The following PTPRJ variants were observed in gnomAD, a reference collection of about 807,000 sequenced individuals.
PTPRJ encodes protein tyrosine phosphatase receptor type J, also known as receptor-type tyrosine-protein phosphatase eta.
A neutral mutation model predicts 141.3 loss-of-function variants in PTPRJ; 129 were observed. That is an observed-to-expected ratio of 0.91 (90% confidence interval 0.79 to 1.06). The LOEUF is 1.06. PTPRJ is among the 50% of genes least tolerant of loss of function. The pLI, the probability that PTPRJ is intolerant of heterozygous loss-of-function variation, is 0.00. For synonymous variants in PTPRJ, 610 were observed against 640.5 expected (o/e 0.95, Z 0.72); for missense variants, 1,601 against 1,679.7 (o/e 0.95, Z 0.82).
In PTPRJ at chr11:48,009,338, G is replaced by A. The variant is rs182568213; in HGVS notation, c.96+28330G>A. On this transcript the variant is annotated intron_variant, in intron 1 of 24. Transcript: ENST00000418331. ...AGGCTGGGCGCAGTGGCTCACGACT[G>A]TAATCCTAGCACTTTGGGAGGCCGA... Among the ~76,000 whole-genome samples the A allele has an allele frequency of 2.4e-3, 367 of 152,358 alleles. 1 individual carries two copies. Among genetic ancestry groups the A allele is most frequent in the Middle Eastern group, 6.8e-3 (2 of 294 alleles).
chr11:48,143,149 C>A, intron 12 of PTPRJ, 99 bp downstream of exon 12: 1 of 1,449,204 alleles, frequency 6.9e-7, no homozygotes, highest in Non-Finnish European at 9.4e-7. Flanking sequence ...CAGACACACG[C>A]CTGTCTTCTC....
intron 1 of PTPRJ, among the ~76,000 whole-genome samples, chr11:48,068,777 G>C (rs1025520397): frequency 6.6e-6 from 1 of 152,190 alleles, no homozygotes; most frequent in Non-Finnish European, 1.5e-5. Context: ...CTTTCTCCAG[G>C]AGCATGGGCT....
intron 8 of PTPRJ, among the ~76,000 whole-genome samples, chr11:48,131,031 T>TACACACACACACACACAC (rs368230622): frequency 7.2e-5 from 5 of 69,110 alleles, no homozygotes; most frequent in Non-Finnish European, 1.1e-4. Flanking sequence ...TAATATTTAA[T>TACACACACACACACACAC]ACACACACAC....
chr11:48,081,993 C>CTTGG (rs1855571610), intron 1 of PTPRJ, among the ~76,000 whole-genome samples: 1 of 152,168 alleles, frequency 6.6e-6, no homozygotes, highest in South Asian at 2.1e-4. Flanking sequence ...AGGGCAAGGG[C>CTTGG]TTGGTCTTTC....
At chr11:48,101,487 G>A (rs1409953689) in intron 1 of PTPRJ, among the ~76,000 whole-genome samples, 1 of 152,242 alleles carries the variant, frequency 6.6e-6, no homozygotes, top group Non-Finnish European at 1.5e-5. Context: ...GCCTGTGATA[G>A]GGCTAACCCT....
At position 48,127,970 on chromosome 11, in the gene PTPRJ, C is replaced by A; in HGVS notation, c.1284C>A (p.Thr428=). 1 of 1,614,188 alleles carries A rather than the reference C, an allele frequency of 6.2e-7. No individual in the cohort carries two copies. Among genetic ancestry groups the A allele is most frequent in the Non-Finnish European group, 8.5e-7 (1 of 1,180,032 alleles). The change falls in exon 7 of 25, where the codon ACC becomes ACA. Residue 428 remains threonine, a synonymous_variant. Transcript: ENST00000418331. ...TCATCCCCGGACTCCGCTCCAGCAC[C>A]TTCTACAACATCACAGTGTGTCCTG... ...RAVIPGLRSS[T]FYNITVCPVL... is the part of the protein sequence containing the mutation.
Position 48,093,507 on chromosome 11 carries a change from G to A in PTPRJ, c.97-16551G>A, listed in dbSNP as rs1352657279. The stretch of plus-strand genomic sequence containing the variant: ...CCTCTGCTGTCTATTTAATGGAGAT[G>A]AATTGTTAAACTTTTACCATTTGCA... On this transcript the variant is annotated intron_variant, in intron 1 of 24. Transcript: ENST00000418331. Among the ~76,000 whole-genome samples the A allele has an allele frequency of 3.3e-5, 5 of 152,158 alleles. No individual in the cohort carries two copies. The East Asian group carries it at 9.6e-4, about 29-fold the overall frequency.
chr11:48,113,881 A>T (rs1856499423), intron 3 of PTPRJ, among the ~76,000 whole-genome samples: 1 of 152,220 alleles, frequency 6.6e-6, no homozygotes, highest in Admixed American at 6.5e-5. Context: ...ACCCATATAA[A>T]CAAAAATTCT....
chr11:48,128,575 T>C (rs965451984), intron 7 of PTPRJ, among the ~76,000 whole-genome samples: 4 of 152,230 alleles, frequency 2.6e-5, no homozygotes, highest in African/African-American at 9.6e-5. Flanking sequence ...AAAACAGTAA[T>C]GGTGCACTAG....
intron 1 of PTPRJ, among the ~76,000 whole-genome samples, chr11:48,019,159 CT>C (rs150775428): frequency 0.031 from 4,656 of 152,166 alleles, 232 homozygotes; most frequent in African/African-American, 0.11. Context: ...TCTCTGTGCC[CT>C]TTTCCTGCCT....
intron 1 of PTPRJ, among the ~76,000 whole-genome samples, chr11:48,076,728 G>A (rs10838801): frequency 0.57 from 86,605 of 150,652 alleles, 28,390 homozygotes; most frequent in East Asian, 0.8. Context: ...ATGGTAAAGG[G>A]GGAGGGTTAC....
At chr11:48,042,178 G>A (rs1289694482) in intron 1 of PTPRJ, among the ~76,000 whole-genome samples, 3 of 152,174 alleles carry the variant, frequency 2.0e-5, no homozygotes, top group Non-Finnish European at 2.9e-5. Context: ...GCTGGATAGG[G>A]TGTTGCAGCA....
Position 48,164,426 on chromosome 11 carries a change from A to G in PTPRJ, c.3766A>G (p.Ile1256Val). Residue 1256 changes from isoleucine (I) to valine (V), a missense_variant, in exon 24 of 25, where the codon ATC (isoleucine) becomes GTC (valine). Physicochemically the swap from Ile to Val is conservative, Grantham distance 29. Transcript: ENST00000418331. Reference protein sequence around the residue: ...TGTFIAIDRLIYQIENENTVD... With the variant: ...TGTFIAIDRLVYQIENENTVD... ...CACTTTCATTGCCATTGATCGTCTC[A>G]TCTACCAGATAGAGAATGAGAACAC... The G allele has an allele frequency of 3.7e-6, 6 of 1,613,794 alleles. No homozygotes were observed. Among genetic ancestry groups the G allele is most frequent in the Non-Finnish European group, 3.4e-6 (4 of 1,179,692 alleles).
chr11:48,006,242 T>C lies in PTPRJ; in HGVS notation c.96+25234T>C, dbSNP rs1308234806. On this transcript the variant is annotated intron_variant, in intron 1 of 24. Transcript: ENST00000418331. The stretch of plus-strand genomic sequence containing the variant: ...TTTCCTCATCTGGAACCTGGGGCTC[T>C]TGTGGCTTCCTGCCTCTCTCAAGGG... Among the ~76,000 whole-genome samples the C allele has an allele frequency of 2.6e-5, 4 of 152,214 alleles. No individual in the cohort carries two copies. In the East Asian group the frequency reaches 5.8e-4, roughly 22 times the overall value.
chr11:48,069,924 C>G (rs1855198201), intron 1 of PTPRJ, among the ~76,000 whole-genome samples: 1 of 152,090 alleles, frequency 6.6e-6, no homozygotes, highest in Non-Finnish European at 1.5e-5. Flanking sequence ...GTTGGTTCTC[C>G]CTGAAAAGTC....
rs962393289 is a variant in PTPRJ, at chr11:48,163,398, C to A, written c.3559-60C>A. On this transcript the variant is annotated intron_variant, in intron 22 of 24. Transcript: ENST00000418331. ...TCAGGCTCTGCTTGATTTCCCCTGCCTTTTTGATGTTGTTAGGCAGCCTTT... is the reference window on the plus strand; with the variant it reads ...TCAGGCTCTGCTTGATTTCCCCTGCATTTTTGATGTTGTTAGGCAGCCTTT... 1.7e-5 allele frequency: 26 copies of A among 1,530,358 alleles called. No homozygotes were observed. The African/African-American group carries it at 2.5e-4, about 15-fold the overall frequency. 94.8% of individuals were successfully genotyped at this position (1,530,358 alleles called of 1,614,324 possible).
chr11:48,127,798 A>C lies in PTPRJ; in HGVS notation c.1112A>C (p.Asp371Ala). The C allele has an allele frequency of 6.2e-7, 1 of 1,614,020 alleles. No homozygotes were observed. Among genetic ancestry groups the C allele is most frequent in the Non-Finnish European group, 8.5e-7 (1 of 1,179,972 alleles). ...CTCACAGATGCTATTCAGGTTTTTG[A>C]CGTCACCGCTGTGAACATCAGTGCC... is the stretch of plus-strand genomic sequence containing the variant. The part of the protein sequence containing the change: ...EFRTNAIQVF[D>A]VTAVNISATS... The change falls in exon 7 of 25, where the codon GAC (aspartate) becomes GCC (alanine). Residue 371 changes from aspartate to alanine, a missense_variant. By Grantham distance (126) the Asp-to-Ala change is moderately radical. Transcript: ENST00000418331.
chr11:48,082,977 C>T (rs1269250017), intron 1 of PTPRJ, among the ~76,000 whole-genome samples: 1 of 151,994 alleles, frequency 6.6e-6, no homozygotes, highest in Admixed American at 6.6e-5. Flanking sequence ...GTGGTTGGCT[C>T]ATTGGAGGGG....
rs1857184749 is a variant in PTPRJ at position 48,139,538 on chromosome 11, C to A, written c.2205C>A (p.Ala735=). Residue 735 remains alanine, a synonymous_variant, in exon 11 of 25, where the codon GCC becomes GCA. Transcript: ENST00000418331. ...FDCEVVPKEP[A]LVLKWTCPPG... is the part of the protein sequence containing the mutation. ...GCGAAGTGGTCCCCAAAGAGCCAGC[C>A]CTGGTTCTCAAATGGACCTGCCCTC... The A allele has an allele frequency of 3.1e-6, 5 of 1,614,214 alleles. No homozygotes were observed. The highest frequency in any genetic ancestry group is 4.2e-6 in the Non-Finnish European group (5 of 1,180,042).
Sources: allele counts gnomAD v4.1 joint callset (sites outside exome capture counted in the v4.1 genomes callset), GRCh38; gene constraint gnomAD v4.1.1; transcripts MANE v1.5; gene names NCBI Gene and HGNC (gene_info 2026-07-23, HGNC 2026-07-21).